The following FAM227B variants were observed in gnomAD, a reference collection of about 807,000 sequenced individuals.
FAM227B encodes family with sequence similarity 227 member B.
In FAM227B, 88 loss-of-function variants were observed where a neutral mutation model predicts 73.8. The ratio of observed to expected loss-of-function variants is 1.19; its 90% CI spans 1.00 to 1.42. FAM227B has a LOEUF of 1.42. Among genes scored for constraint, FAM227B ranks in the 40% most tolerant of loss-of-function variants. FAM227B has a pLI of 0.00. For missense variants in FAM227B, 632 were observed against 590.9 expected (o/e 1.07, Z -0.72); for synonymous variants, 210 against 190.5 (o/e 1.10, Z -0.84).
chr15:49,345,101 CTT>C (rs1285799871), intron 13 of FAM227B, among the ~76,000 whole-genome samples: 5 of 152,272 alleles, frequency 3.3e-5, no homozygotes, highest in East Asian at 1.9e-4. Flanking sequence ...ATTGTGCTCT[CTT>C]GAGTATCATT....
chr15:49,570,395 C>T (rs8041493), intron 8 of FAM227B, among the ~76,000 whole-genome samples: 44,910 of 151,576 alleles, frequency 0.3, 6,986 homozygotes, highest in East Asian at 0.38. Context: ...ATTCCCCTAA[C>T]GATTAGTGAT....
chr15:49,358,982 T>G (rs1352015288), intron 13 of FAM227B, among the ~76,000 whole-genome samples: 1 of 151,038 alleles, frequency 6.6e-6, no homozygotes, highest in Non-Finnish European at 1.5e-5. Flanking sequence ...AAACAAGCAA[T>G]GGGGAAAGGA....
intron 3 of FAM227B, among the ~76,000 whole-genome samples, chr15:49,608,768 T>C (rs1224126154): frequency 6.6e-6 from 1 of 152,022 alleles, no homozygotes; most frequent in Non-Finnish European, 1.5e-5. Context: ...CTAACAGGCC[T>C]GTTAACAAAA....
chr15:49,465,001 A>G (rs746612840), intron 11 of FAM227B, among the ~76,000 whole-genome samples: 9 of 152,232 alleles, frequency 5.9e-5, no homozygotes, highest in Non-Finnish European at 1.3e-4. Context: ...AAGAAACTAT[A>G]ATGTTATAAA....
At chr15:49,443,255 C>T (rs2051847699) in intron 11 of FAM227B, among the ~76,000 whole-genome samples, 1 of 151,454 alleles carries the variant, frequency 6.6e-6, no homozygotes. Flanking sequence ...AATAAATACT[C>T]AAAACTCTTT....
chr15:49,407,515 C>T (rs2048594881), intron 11 of FAM227B, among the ~76,000 whole-genome samples: 1 of 152,002 alleles, frequency 6.6e-6, no homozygotes, highest in Non-Finnish European at 1.5e-5. Context: ...TTTGTCTAGT[C>T]TGCCATCTTG....
intron 5 of FAM227B, among the ~76,000 whole-genome samples, chr15:49,578,597 T>C (rs1013770968): frequency 2.0e-5 from 3 of 151,998 alleles, no homozygotes; most frequent in Admixed American, 2.0e-4. Context: ...CATACACATA[T>C]ATTAGAAAGA....
chr15:49,476,788 G>C (rs1172438965), intron 11 of FAM227B, among the ~76,000 whole-genome samples: 1 of 152,104 alleles, frequency 6.6e-6, no homozygotes, highest in Admixed American at 6.5e-5. Context: ...GGCCAGGCGT[G>C]GTGGCTCACG....
At chr15:49,447,412 T>G (rs1219666258) in intron 11 of FAM227B, among the ~76,000 whole-genome samples, 1 of 151,548 alleles carries the variant, frequency 6.6e-6, no homozygotes, top group Non-Finnish European at 1.5e-5. Context: ...AGAGTCAGAT[T>G]TGGAACATAT....
At chr15:49,448,014 G>A (rs1406335566) in intron 11 of FAM227B, among the ~76,000 whole-genome samples, 1 of 151,638 alleles carries the variant, frequency 6.6e-6, no homozygotes, top group Non-Finnish European at 1.5e-5. Context: ...TGATTTGAGA[G>A]TTTGAAATTA....
chr15:49,425,843 TATC>T (rs1254883583), intron 11 of FAM227B, among the ~76,000 whole-genome samples: 7 of 151,862 alleles, frequency 4.6e-5, no homozygotes, highest in Admixed American at 1.3e-4. Context: ...TTAATAAAGG[TATC>T]ATGTTAGTTC....
At chr15:49,585,823 C>A (rs1006470583) in intron 5 of FAM227B, among the ~76,000 whole-genome samples, 3 of 151,716 alleles carry the variant, frequency 2.0e-5, no homozygotes, top group African/African-American at 7.3e-5. Context: ...GCACATGTAC[C>A]CTAAAACTTA....
intron 11 of FAM227B, among the ~76,000 whole-genome samples, chr15:49,501,237 C>T (rs746819096): frequency 2.0e-5 from 3 of 152,056 alleles, no homozygotes; most frequent in African/African-American, 7.2e-5. Context: ...CAGAAGAAGA[C>T]AGGAAGATGA....
chr15:49,387,371 A>C (rs1452388065), intron 11 of FAM227B, among the ~76,000 whole-genome samples: 1 of 151,898 alleles, frequency 6.6e-6, no homozygotes, highest in Admixed American at 6.6e-5. Context: ...TACATCACAT[A>C]AACAGAATTA....
chr15:49,328,440 T>C lies in FAM227B; in HGVS notation c.*128A>G. 6.9e-7 allele frequency: 1 copy of C among 1,455,718 alleles called. No individual in the cohort carries two copies. Among genetic ancestry groups the C allele is most frequent in the Non-Finnish European group, 9.0e-7 (1 of 1,105,024 alleles). The allele number at this position is 1,455,718 out of a possible 1,614,324, so 90.2% of individuals were successfully genotyped here. On this transcript the variant is annotated 3_prime_UTR_variant, in exon 16 of 16. Coordinates refer to ENST00000299338, the MANE Select transcript of FAM227B (RefSeq NM_152647.3). ...TTTATTGATTTGAAGATTTTAAAGA[T>C]GAATGGTAAAACACACTCTTAATAC... is the stretch of plus-strand genomic sequence containing the variant.
intron 1 of FAM227B, among the ~76,000 whole-genome samples, chr15:49,619,345 T>G (rs2078507045): frequency 6.6e-6 from 1 of 152,152 alleles, no homozygotes; most frequent in Non-Finnish European, 1.5e-5. Context: ...CAAAAGAAAG[T>G]GGGGGAAGTA....
intron 11 of FAM227B, among the ~76,000 whole-genome samples, chr15:49,461,932 G>GGCCGAAGCAGGCAGATTACTT (rs1158695778): frequency 2.0e-5 from 3 of 152,178 alleles, no homozygotes; most frequent in African/African-American, 7.2e-5. Flanking sequence ...CACTTTGGGA[G>GGCCGAAGCAGGCAGATTACTT]GCCGAAGCAG....
In FAM227B at chr15:49,568,274, G is replaced by T. The variant is rs1453860057; in HGVS notation, c.718C>A (p.Pro240Thr). 9 of 1,608,942 alleles carry T rather than the reference G, an allele frequency of 5.6e-6. No individual in the cohort carries two copies. Among genetic ancestry groups the T allele is most frequent in the Non-Finnish European group, 6.8e-6 (8 of 1,177,924 alleles). ...AAAAATGCATCCTTTCGACTTAGAG[G>T]TATGCTCATGAAAAGTGTCACATAA... ...ESYVTLFMSI[P>T]LSRKDAFFQI... The change falls in exon 9 of 16, where the codon CCT becomes ACT. Residue 240 changes from proline (P) to threonine (T), a missense_variant. Transcript: ENST00000299338.
At chr15:49,476,627 ATT>A (rs1316238521) in intron 11 of FAM227B, among the ~76,000 whole-genome samples, 3 of 152,080 alleles carry the variant, frequency 2.0e-5, no homozygotes, top group African/African-American at 7.2e-5. Flanking sequence ...TGTTCTATAT[ATT>A]TTGGACATAA....
Sources: allele counts gnomAD v4.1 joint callset (sites outside exome capture counted in the v4.1 genomes callset), GRCh38; gene constraint gnomAD v4.1.1; transcripts MANE v1.5; gene names NCBI Gene and HGNC (gene_info 2026-07-23, HGNC 2026-07-21).